Variants in RELL1 observed in about 807,000 individuals in gnomAD.
RELL1 encodes RELT-like protein 1.
A neutral mutation model predicts 23.0 loss-of-function variants in RELL1; 10 were observed. That is an observed-to-expected ratio of 0.43 (90% confidence interval 0.27 to 0.74). RELL1 has a LOEUF of 0.74. RELL1 is among the 30% of genes least tolerant of loss of function. RELL1 has a pLI of 0.19. For missense variants in RELL1, 315 were observed against 364.4 expected (o/e 0.86, Z 1.10); for synonymous variants, 146 against 146.8 (o/e 0.99, Z 0.04).
In RELL1 at chr4:37,686,201, CG is replaced by C; in HGVS notation, c.86del (p.Pro29ArgfsTer76). 2 of 1,579,728 alleles carry C rather than the reference CG, an allele frequency of 1.3e-6. No homozygotes were observed. The highest frequency in any genetic ancestry group is 1.7e-6 in the Non-Finnish European group (2 of 1,171,084). ...CCCCGGCTACGACCGGACACTCACC[CG>C]GAGCCACCAGCGGCGAACTCACGGC... ...GGAVSSPLVA[P>X]DNGSSRTLHS... On this transcript the variant is annotated frameshift_variant and splice_region_variant, in exon 1 of 7. Coordinates refer to ENST00000454158, the MANE Select transcript of RELL1 (RefSeq NM_001085400.2). LOFTEE classifies it high-confidence loss of function.
intron 6 of RELL1, among the ~76,000 whole-genome samples, chr4:37,603,559 A>G (rs1719073070): frequency 1.3e-5 from 2 of 152,198 alleles, no homozygotes; most frequent in African/African-American, 2.4e-5. Context: ...GCCATTTCCA[A>G]GCCCCCAACT....
At chr4:37,629,771 A>G (rs1217164213) in intron 6 of RELL1, among the ~76,000 whole-genome samples, 1 of 152,094 alleles carries the variant, frequency 6.6e-6, no homozygotes, top group Non-Finnish European at 1.5e-5. Context: ...AGCACCTTCA[A>G]CCCTCTGAGC....
downstream of RELL1, among the ~76,000 whole-genome samples, chr4:37,587,922 T>C (rs61088931): frequency 5.8e-4 from 89 of 152,194 alleles, no homozygotes; most frequent in African/African-American, 1.9e-3. Context: ...TGAGCCGAGA[T>C]TGCGCCACTG....
chr4:37,681,809 G>A (rs1281287834), intron 1 of RELL1, among the ~76,000 whole-genome samples: 4 of 151,880 alleles, frequency 2.6e-5, no homozygotes, highest in Non-Finnish European at 5.9e-5. Flanking sequence ...TTACAGGCGT[G>A]AGCCACTGCA....
At chr4:37,588,600 AG>A, downstream of RELL1, 1 of 448,102 alleles carries the variant, frequency 2.2e-6, no homozygotes, top group Non-Finnish European at 4.0e-6. Flanking sequence ...ACATAACCCC[AG>A]GGTTGGGAGA....
At chr4:37,608,688 C>T (rs1459931922), downstream of RELL1, among the ~76,000 whole-genome samples, 1 of 151,530 alleles carries the variant, frequency 6.6e-6, no homozygotes, top group African/African-American at 2.4e-5. Flanking sequence ...CTCTGTCACC[C>T]AGGCTGGTGT....
intron 5 of RELL1, among the ~76,000 whole-genome samples, chr4:37,634,628 G>A (rs549091788): frequency 3.3e-5 from 5 of 152,332 alleles, no homozygotes; most frequent in East Asian, 3.9e-4. Context: ...GTATACAGTT[G>A]AAAATCTGGG....
intron 6 of RELL1, among the ~76,000 whole-genome samples, chr4:37,600,269 CAAAAA>C (rs33929317): frequency 3.6e-5 from 4 of 111,412 alleles, no homozygotes; most frequent in African/African-American, 7.0e-5. Context: ...GACTCCATCT[CAAAAA>C]AAAAAAAAAA....
downstream of RELL1, among the ~76,000 whole-genome samples, chr4:37,608,832 T>C (rs1719298533): frequency 6.6e-6 from 1 of 152,060 alleles, no homozygotes; most frequent in African/African-American, 2.4e-5. Flanking sequence ...GGTTTCGCCG[T>C]GTTGGCCAGG....
intron 1 of RELL1, among the ~76,000 whole-genome samples, chr4:37,651,613 C>T (rs1355074894): frequency 6.6e-6 from 1 of 152,154 alleles, no homozygotes. Context: ...CCTGGTGAAA[C>T]CCCACCTCCA....
rs544230102 is a variant in RELL1 at position 37,664,523 on chromosome 4, G to A, written c.89-15023C>T. Among the ~76,000 whole-genome samples the A allele has an allele frequency of 2.6e-5, 4 of 152,202 alleles. No individual in the cohort carries two copies. In the South Asian group the frequency reaches 6.2e-4, roughly 24 times the overall value. Reference sequence around the variant, plus strand: ...ATTATTGCTCAAAAACTGTTATTCAGTGGTTGCCACAAACATAATTTGTAC... The same window carrying A: ...ATTATTGCTCAAAAACTGTTATTCAATGGTTGCCACAAACATAATTTGTAC... On this transcript the variant is annotated intron_variant, in intron 1 of 6. Coordinates refer to ENST00000454158, the MANE Select transcript of RELL1 (RefSeq NM_001085400.2).
At chr4:37,654,263 C>T (rs1401789042) in intron 1 of RELL1, among the ~76,000 whole-genome samples, 2 of 152,216 alleles carry the variant, frequency 1.3e-5, no homozygotes, top group Non-Finnish European at 2.9e-5. Context: ...TCCTCAGTTG[C>T]ATTAGCCACA....
At chr4:37,636,027 GTA>G (rs1415070442) in intron 4 of RELL1, among the ~76,000 whole-genome samples, 23 of 152,186 alleles carry the variant, frequency 1.5e-4, no homozygotes, top group Admixed American at 1.5e-3. Flanking sequence ...CATCTTATAT[GTA>G]TATGTTAATG....
In RELL1 at chr4:37,639,975, C is replaced by T. The variant is rs370406488; in HGVS notation, c.386-1471G>A. ...CAAGAGCCTTGTTCAACTATTTTAC[C>T]CTAATGACTCTCCCATTAATGTACA... On this transcript the variant is annotated intron_variant, in intron 3 of 6. Coordinates refer to ENST00000454158, the MANE Select transcript of RELL1 (RefSeq NM_001085400.2). 3.3e-5 allele frequency among the ~76,000 whole-genome samples: 5 copies of T among 152,200 alleles called. No homozygotes were observed. In the East Asian group the frequency reaches 5.8e-4, roughly 18 times the overall value.
At chr4:37,681,322 A>G (rs1324743971) in intron 1 of RELL1, among the ~76,000 whole-genome samples, 2 of 152,186 alleles carry the variant, frequency 1.3e-5, no homozygotes, top group Non-Finnish European at 2.9e-5. Context: ...GAGAAAAAAT[A>G]CTATATTTTT....
At position 37,597,956 on chromosome 4, in the gene RELL1, C is replaced by T. The variant is rs546884606; in HGVS notation, c.*4-6739G>A. On this transcript the variant is annotated intron_variant, in intron 6 of 6. Coordinates refer to the RELL1 transcript ENST00000314117. ...ATCCCAGCTACTTGGGAGGCTGAGG[C>T]AGGAGAATTGCTTGAACCCAGGAGG... is the stretch of plus-strand genomic sequence containing the variant. Among the ~76,000 whole-genome samples, 5 of 151,620 alleles carry T rather than the reference C, an allele frequency of 3.3e-5. No individual in the cohort carries two copies. The East Asian group carries it at 7.8e-4, about 24-fold the overall frequency.
intron 1 of RELL1, among the ~76,000 whole-genome samples, chr4:37,675,060 T>G (rs981667176): frequency 6.6e-6 from 1 of 152,258 alleles, no homozygotes; most frequent in Non-Finnish European, 1.5e-5. Flanking sequence ...AAATCATTTC[T>G]AAGCCTAATG....
intron 1 of RELL1, among the ~76,000 whole-genome samples, chr4:37,668,676 C>G: frequency 6.6e-6 from 1 of 151,258 alleles, no homozygotes; most frequent in African/African-American, 2.4e-5. Context: ...CCTGGCCGCC[C>G]ATCGTCTGGG....
chr4:37,593,419 A>G (rs1718711079), intron 6 of RELL1, among the ~76,000 whole-genome samples: 2 of 152,166 alleles, frequency 1.3e-5, no homozygotes, highest in Non-Finnish European at 2.9e-5. Context: ...TTTCCTTCTC[A>G]AGATCACTTT....
Sources: allele counts gnomAD v4.1 joint callset (sites outside exome capture counted in the v4.1 genomes callset), GRCh38; gene constraint gnomAD v4.1.1; transcripts MANE v1.5; gene names NCBI Gene and HGNC (gene_info 2026-07-23, HGNC 2026-07-21).